The following FBXW4 variants were observed in gnomAD, a reference collection of about 807,000 sequenced individuals.
FBXW4 encodes F-box and WD repeat domain containing 4.
A neutral mutation model predicts 61.8 loss-of-function variants in FBXW4; 40 were observed. That is an observed-to-expected ratio of 0.65 (90% CI 0.50 to 0.84). The LOEUF (loss-of-function observed/expected upper bound fraction) is 0.84, where lower values mean the gene tolerates loss of function less well. Ranked by LOEUF, FBXW4 falls within the 40% of genes least tolerant of loss-of-function variation. The probability of loss-of-function intolerance (pLI) is 0.00; values close to 1 mark genes in which losing one functional copy is unlikely to be tolerated. For missense variants in FBXW4, 672 were observed against 753.8 expected (o/e 0.89, Z 1.27); for synonymous variants, 311 against 313.8 (o/e 0.99, Z 0.10).
At position 101,644,032 on chromosome 10, in the gene FBXW4, C is replaced by T. The variant is rs140399994; in HGVS notation, c.1236-19222G>A. The stretch of plus-strand genomic sequence containing the variant: ...GAGAGACTGCAATTATTCCCCCCAT[C>T]CCACATTCGTACCTGGGCTCTCCCC... On this transcript the variant is annotated intron_variant, in intron 5 of 8. Transcript: ENST00000331272. Among the ~76,000 whole-genome samples the T allele has an allele frequency of 1.2e-3, 177 of 152,338 alleles. 1 individual carries two copies. Among genetic ancestry groups the T allele is most frequent in the Non-Finnish European group, 2.4e-4 (16 of 68,036 alleles).
intron 2 of FBXW4, 94 bp downstream of exon 2, chr10:101,676,247 T>G: frequency 1.1e-6 from 1 of 911,170 alleles, no homozygotes; most frequent in South Asian, 1.6e-5. Context: ...CCACCCAAGA[T>G]AGCCCCATTA....
intron 5 of FBXW4, among the ~76,000 whole-genome samples, chr10:101,643,525 C>T (rs369600539): frequency 6.6e-6 from 1 of 152,248 alleles, no homozygotes; most frequent in East Asian, 1.9e-4. Flanking sequence ...CATATGCACG[C>T]TTTGCATTAC....
intron 6 of FBXW4, among the ~76,000 whole-genome samples, chr10:101,618,932 G>A (rs992251197): frequency 1.3e-5 from 2 of 152,114 alleles, no homozygotes; most frequent in African/African-American, 4.8e-5. Context: ...CATGGAGGAA[G>A]GGGGTATTTG....
rs907941553 is a variant in FBXW4, at chr10:101,673,739, T to C, written c.822-66A>G. The C allele has an allele frequency of 1.3e-5, 19 of 1,483,216 alleles. No individual in the cohort carries two copies. The African/African-American group carries it at 2.1e-4, about 16-fold the overall frequency. 91.9% of individuals were successfully genotyped at this position (1,483,216 alleles called of 1,614,324 possible). ...CAGTATGAAAACTCAACTCCAATCT[T>C]TGAAGAAGCTGACCAATCCCCAACT... On this transcript the variant is annotated intron_variant, in intron 2 of 8. Coordinates refer to ENST00000331272, the MANE Select transcript of FBXW4 (RefSeq NM_022039.4).
chr10:101,681,398 A>AAAAATAAT (rs1554934344), intron 1 of FBXW4, among the ~76,000 whole-genome samples: 1 of 136,066 alleles, frequency 7.3e-6, no homozygotes. Context: ...CAAAAAAAAA[A>AAAAATAAT]AATAATAATA....
At chr10:101,643,232 C>T (rs1336034696) in intron 5 of FBXW4, among the ~76,000 whole-genome samples, 1 of 152,228 alleles carries the variant, frequency 6.6e-6, no homozygotes, top group Non-Finnish European at 1.5e-5. Context: ...CCCTTCAATT[C>T]CCCACACATC....
At chr10:101,666,700 T>G (rs913886337) in intron 5 of FBXW4, among the ~76,000 whole-genome samples, 2 of 151,988 alleles carry the variant, frequency 1.3e-5, no homozygotes, top group African/African-American at 4.8e-5. Context: ...GGAGAGGGAT[T>G]CTGTCTTGGT....
intron 6 of FBXW4, among the ~76,000 whole-genome samples, chr10:101,613,614 A>G (rs1026552473): frequency 6.6e-6 from 1 of 152,188 alleles, no homozygotes; most frequent in Non-Finnish European, 1.5e-5. Context: ...AGCCAGCCAC[A>G]TGTCTGAATG....
intron 5 of FBXW4, among the ~76,000 whole-genome samples, chr10:101,634,486 T>A (rs1376162578): frequency 1.3e-5 from 2 of 148,878 alleles, no homozygotes; most frequent in Non-Finnish European, 3.0e-5. Context: ...AAAAGAACAA[T>A]AAGAAAGAAG....
intron 5 of FBXW4, 174 bp from the exon 6 acceptor site, chr10:101,624,984 G>A: frequency 1.4e-6 from 1 of 703,040 alleles, no homozygotes; most frequent in Non-Finnish European, 2.5e-6. Flanking sequence ...TTGGAGCACT[G>A]TGAGGGGTGT....
chr10:101,680,443 G>A (rs543616823), intron 1 of FBXW4, among the ~76,000 whole-genome samples: 1 of 152,268 alleles, frequency 6.6e-6, no homozygotes, highest in East Asian at 1.9e-4. Context: ...AACTAACACT[G>A]TAGATATAAG....
intron 1 of FBXW4, among the ~76,000 whole-genome samples, chr10:101,682,578 G>A (rs144016365): frequency 6.6e-6 from 1 of 152,154 alleles, no homozygotes; most frequent in African/African-American, 2.4e-5. Context: ...ATCATAGCAG[G>A]AAGAAAACGA....
At chr10:101,633,751 T>A (rs2063977862) in intron 5 of FBXW4, among the ~76,000 whole-genome samples, 1 of 152,152 alleles carries the variant, frequency 6.6e-6, no homozygotes, top group Non-Finnish European at 1.5e-5. Context: ...AACCAAGTGT[T>A]ATTATATATC....
chr10:101,618,420 G>GC (rs2063842377), intron 6 of FBXW4, among the ~76,000 whole-genome samples: 1 of 152,170 alleles, frequency 6.6e-6, no homozygotes, highest in African/African-American at 2.4e-5. Flanking sequence ...GGTATTCTGG[G>GC]CATGGGGTTG....
chr10:101,668,867 A>C (rs527874216), intron 4 of FBXW4, among the ~76,000 whole-genome samples: 1 of 152,326 alleles, frequency 6.6e-6, no homozygotes, highest in Non-Finnish European at 1.5e-5. Flanking sequence ...TCAGACGTAC[A>C]GGACTATCCC....
Position 101,611,050 on chromosome 10 carries a change from C to T in FBXW4, c.*241G>A. On this transcript the variant is annotated 3_prime_UTR_variant, in exon 9 of 9. Coordinates refer to ENST00000331272, the MANE Select transcript of FBXW4 (RefSeq NM_022039.4). This position sits in a 1 kb window ranked among gnomAD's most constrained non-coding sequence, Gnocchi z 4.9. ...CAAACAGGGACGCAAGGCCCGGGTT[C>T]AGCCGCACTCTAAAGCAGCAGGTCC... 2.2e-6 allele frequency: 1 copy of T among 445,966 alleles called. No homozygotes were observed. The highest frequency in any genetic ancestry group is 4.0e-6 in the Non-Finnish European group (1 of 249,362). The allele number at this position is 445,966 out of a possible 1,614,324, so 27.6% of individuals were successfully genotyped here. A position where few individuals can be genotyped will look rare whatever the true frequency, so the allele number is the denominator to read the frequency against.
chr10:101,676,538 C>T, intron 1 of FBXW4, 102 bp from the exon 2 acceptor site: 2 of 853,254 alleles, frequency 2.3e-6, no homozygotes, highest in Admixed American at 4.1e-5. Flanking sequence ...ATCCAGAATA[C>T]AAGTAAAGAG....
At chr10:101,627,723 C>G (rs1263679798) in intron 5 of FBXW4, among the ~76,000 whole-genome samples, 1 of 152,088 alleles carries the variant, frequency 6.6e-6, no homozygotes, top group Non-Finnish European at 1.5e-5. Flanking sequence ...CACAATGAGC[C>G]CACAAGATAG....
At chr10:101,619,522 G>A (rs1013820007) in intron 6 of FBXW4, among the ~76,000 whole-genome samples, 17 of 152,062 alleles carry the variant, frequency 1.1e-4, no homozygotes, top group African/African-American at 3.9e-4. Context: ...AGCCAGGCGC[G>A]GTGGCAGGCA....
Sources: gnomAD v4.1 joint callset for allele counts (sites outside exome capture counted in the v4.1 genomes callset) on GRCh38, gnomAD v4.1.1 for gene constraint, Gnocchi (gnomAD v3.1) non-coding constraint, MANE v1.5 for transcripts, NCBI Gene and HGNC (gene_info 2026-07-23, HGNC 2026-07-21) for gene names.